Variants in RHCE observed in about 807,000 individuals in gnomAD.
RHCE encodes the protein blood group Rh(CE) polypeptide.
A neutral mutation model predicts 43.8 loss-of-function variants in RHCE; 22 were observed. The observed-to-expected ratio is 0.50, with a 90% CI of 0.36 to 0.72. RHCE has a LOEUF of 0.72. RHCE is among the 30% of genes least tolerant of loss of function. The probability of loss-of-function intolerance (pLI) is 0.00; values close to 1 mark genes in which losing one functional copy is unlikely to be tolerated. For synonymous variants in RHCE, 156 were observed against 210.7 expected (o/e 0.74, Z 2.25); for missense variants, 385 against 525.4 (o/e 0.73, Z 2.61).
At chr1:25,397,302 G>A (rs1237236454) in intron 3 of RHCE, among the ~76,000 whole-genome samples, 1 of 149,456 alleles carries the variant, frequency 6.7e-6, no homozygotes, top group Non-Finnish European at 1.5e-5. Flanking sequence ...TTTGAGACCA[G>A]CCTGGCCAAC....
At chr1:25,411,925 G>T (rs1379752308) in intron 1 of RHCE, among the ~76,000 whole-genome samples, 2 of 152,126 alleles carry the variant, frequency 1.3e-5, no homozygotes, top group Admixed American at 6.5e-5. Flanking sequence ...ATATGCATAG[G>T]GTCCAGACTT....
intron 1 of RHCE, among the ~76,000 whole-genome samples, chr1:25,412,393 A>G (rs1446077747): frequency 1.3e-5 from 2 of 152,162 alleles, no homozygotes; most frequent in Admixed American, 6.5e-5. Context: ...AGTTGCCTGG[A>G]TAAGGGCAGA....
intron 3 of RHCE, among the ~76,000 whole-genome samples, chr1:25,400,205 C>A (rs1340337642): frequency 6.6e-6 from 1 of 152,242 alleles, no homozygotes; most frequent in East Asian, 1.9e-4. Context: ...AAGTCCTTGG[C>A]AGGGCTGCCC....
intron 3 of RHCE, among the ~76,000 whole-genome samples, chr1:25,395,477 G>A (rs529699437): frequency 3.7e-4 from 56 of 152,302 alleles, no homozygotes; most frequent in Non-Finnish European, 6.5e-4. Context: ...CAGTTCTAGT[G>A]CCCTCCTGAG....
At chr1:25,382,710 C>A (rs1646036853) in intron 7 of RHCE, among the ~76,000 whole-genome samples, 1 of 152,028 alleles carries the variant, frequency 6.6e-6, no homozygotes, top group African/African-American at 2.4e-5. Flanking sequence ...GGGAAGTGAA[C>A]CAAGAATTCC....
At chr1:25,390,600 T>A (rs634974) in intron 5 of RHCE, 149 bp downstream of exon 5, 94 of 985,916 alleles carry the variant, frequency 9.5e-5, no homozygotes, top group African/African-American at 5.1e-4. Context: ...CCAGCATTCT[T>A]CCTAGAGCTC....
At chr1:25,401,377 T>A (rs947066520) in intron 3 of RHCE, among the ~76,000 whole-genome samples, 12 of 152,140 alleles carry the variant, frequency 7.9e-5, no homozygotes, top group African/African-American at 2.7e-4. Context: ...TCCAGTGCAC[T>A]TTCTTCTAAG....
rs575310239 is a variant in RHCE at position 25,420,627 on chromosome 1, A to G, written c.148+12T>C. 1 of 1,613,916 alleles carries G rather than the reference A, an allele frequency of 6.2e-7. No individual in the cohort carries two copies. Among genetic ancestry groups the G allele is most frequent in the East Asian group, 2.2e-5 (1 of 44,876 alleles). ...ATTTGCTCCTGTGACCACTGTTCCA[A>G]TGAACTCTCACCTTGATAGGATGCC... On this transcript the variant is annotated intron_variant, in intron 1 of 9. Transcript: ENST00000294413.
chr1:25,404,981 TGG>T (rs1251465393), intron 2 of RHCE, among the ~76,000 whole-genome samples: 1 of 146,154 alleles, frequency 6.8e-6, no homozygotes, highest in Non-Finnish European at 1.5e-5. Flanking sequence ...GCTTAAGGCC[TGG>T]AGTTTGAGAC....
At chr1:25,371,877 G>A (rs2124312349) in intron 8 of RHCE, among the ~76,000 whole-genome samples, 1 of 151,488 alleles carries the variant, frequency 6.6e-6, no homozygotes, top group East Asian at 1.9e-4. Context: ...TGCTTAGTGA[G>A]ATTCGTATTT....
Position 25,370,229 on chromosome 1 carries a change from C to T in RHCE, c.1227+238G>A, listed in dbSNP as rs377070757. 5.9e-5 allele frequency among the ~76,000 whole-genome samples: 9 copies of T among 151,664 alleles called. No individual in the cohort carries two copies. The South Asian group carries it at 1.9e-3, about 31-fold the overall frequency. On this transcript the variant is annotated intron_variant, in intron 9 of 9. Transcript: ENST00000294413. ...TGTGGCCAGTGAAAGCTGTCTCATC[C>T]CTGACTCTGAATGAATTTGAGGTAT...
At chr1:25,402,857 G>C (rs1474039120) in intron 2 of RHCE, 111 bp from the exon 3 acceptor site, 1 of 1,477,066 alleles carries the variant, frequency 6.8e-7, no homozygotes, top group African/African-American at 1.4e-5. Flanking sequence ...ACTTTCTGTG[G>C]AAATAGAAGA....
At chr1:25,411,055 G>A (rs891736128) in intron 1 of RHCE, among the ~76,000 whole-genome samples, 1 of 152,040 alleles carries the variant, frequency 6.6e-6, no homozygotes, top group Non-Finnish European at 1.5e-5. Context: ...CCGCACCACT[G>A]CACTCCAGCC....
intron 7 of RHCE, among the ~76,000 whole-genome samples, chr1:25,380,584 T>C (rs536329502): frequency 4.6e-5 from 7 of 152,334 alleles, no homozygotes; most frequent in African/African-American, 1.7e-4. Flanking sequence ...AGCTTTTGCA[T>C]TCTGCACACC....
chr1:25,426,721 C>A (rs937934429), intron 2 of RHCE, among the ~76,000 whole-genome samples: 1 of 152,214 alleles, frequency 6.6e-6, no homozygotes, highest in Admixed American at 6.5e-5. Flanking sequence ...AGTCCTCTCC[C>A]AAACTAGCCC....
At chr1:25,371,644 A>G (rs1180906113) in intron 8 of RHCE, among the ~76,000 whole-genome samples, 1 of 151,554 alleles carries the variant, frequency 6.6e-6, no homozygotes, top group Admixed American at 6.6e-5. Context: ...AAGGGCTGCA[A>G]TTACAGGTGT....
At chr1:25,396,761 C>T (rs1375907988) in intron 3 of RHCE, among the ~76,000 whole-genome samples, 2 of 152,194 alleles carry the variant, frequency 1.3e-5, no homozygotes, top group African/African-American at 4.8e-5. Context: ...GCCCTCAACA[C>T]GTGGAGATTA....
At chr1:25,417,697 T>C (rs1441570640) in intron 1 of RHCE, among the ~76,000 whole-genome samples, 2 of 152,222 alleles carry the variant, frequency 1.3e-5, no homozygotes, top group Non-Finnish European at 2.9e-5. Flanking sequence ...ATTTTCCTAA[T>C]TTGTATGTAT....
Position 25,380,960 on chromosome 1 carries a change from G to A in RHCE, c.1073+4751C>T, listed in dbSNP as rs1645978062. 4.2e-5 allele frequency among the ~76,000 whole-genome samples: 6 copies of A among 144,088 alleles called. No individual in the cohort carries two copies. In the South Asian group the frequency reaches 1.3e-3, roughly 31 times the overall value. The allele number at this position is 144,088 out of a possible 152,430, so 94.5% of individuals were successfully genotyped here. A position where few individuals can be genotyped will look rare whatever the true frequency, so the allele number is the denominator to read the frequency against. The stretch of plus-strand genomic sequence containing the variant: ...TTTGTCGCCCAGGCTGGAGTGCAGT[G>A]GCGCGATCTCGGCTCACTGCAAGCT... On this transcript the variant is annotated intron_variant, in intron 7 of 9. Coordinates refer to ENST00000294413, the MANE Select transcript of RHCE (RefSeq NM_020485.8).
Sources: gnomAD v4.1 joint callset for allele counts (sites outside exome capture counted in the v4.1 genomes callset) on GRCh38, gnomAD v4.1.1 for gene constraint, MANE v1.5 for transcripts, NCBI Gene and HGNC (gene_info 2026-07-23, HGNC 2026-07-21) for gene names.